INSL6: variants seen among roughly 807,000 people sequenced by gnomAD.
The protein encoded by INSL6 is insulin like 6, also known as insulin-like peptide INSL6.
Under a neutral mutation model 9.4 loss-of-function variants are expected in INSL6, and 16 were observed. The observed-to-expected ratio is 1.70, with a 90% CI of 1.15 to 2.59. INSL6 has a LOEUF of 2.59. Among genes scored for constraint, INSL6 ranks in the 30% most tolerant of loss-of-function variants. INSL6 has a pLI of 0.00. For missense variants in INSL6, 391 were observed against 257.3 expected (o/e 1.52, Z -3.56); for synonymous variants, 154 against 96.9 (o/e 1.59, Z -3.46).
chr9:5,129,188 C>A (rs1824187592), intron 3 of INSL6, among the ~76,000 whole-genome samples: 2 of 152,042 alleles, frequency 1.3e-5, no homozygotes, highest in Admixed American at 1.3e-4. Flanking sequence ...TAGAGCCAAT[C>A]TTGATGGTGG....
the INSL6 span, among the ~76,000 whole-genome samples, chr9:5,079,818 C>CA: frequency 5.5e-5 from 8 of 146,754 alleles, no homozygotes; most frequent in Non-Finnish European, 1.1e-4. Flanking sequence ...CACCCTGTCT[C>CA]AAAAAAAAAA....
the INSL6 span, chr9:5,107,960 CAAT>C: frequency 6.6e-6 from 1 of 152,006 alleles, no homozygotes; most frequent in African/African-American, 2.4e-5. Context: ...ATGCTGTTAC[CAAT>C]AATATGATTC....
Position 5,185,639 on chromosome 9 carries a change from T to G in INSL6, c.-37A>C, listed in dbSNP as rs766127438. Reference sequence around the variant, plus strand: ...CAGGCTAGTCCTCCGCGTTGTGCAATGGCGGTCGGCCGGACCCTGCTCCCT... The same window carrying G: ...CAGGCTAGTCCTCCGCGTTGTGCAAGGGCGGTCGGCCGGACCCTGCTCCCT... On this transcript the variant is annotated 5_prime_UTR_variant, in exon 1 of 2. Coordinates refer to ENST00000381641, the MANE Select transcript of INSL6 (RefSeq NM_007179.3). 6.3e-6 allele frequency: 10 copies of G among 1,579,248 alleles called. No homozygotes were observed. The highest frequency in any genetic ancestry group is 1.8e-5 in the Admixed American group (1 of 55,152).
chr9:5,128,286 T>C (rs556452739), intron 3 of INSL6: 31 of 227,288 alleles, frequency 1.4e-4, no homozygotes, highest in African/African-American at 4.9e-4. Flanking sequence ...TTCATTATTA[T>C]ACTTAAAGCA....
At chr9:5,094,511 T>A in the INSL6 span, 7 of 152,332 alleles carry the variant, frequency 4.6e-5, no homozygotes, top group East Asian at 1.3e-3. Context: ...GAAGTCACCC[T>A]AGCCATTATC....
chr9:5,011,362 A>C, the INSL6 span, among the ~76,000 whole-genome samples: 1 of 151,872 alleles, frequency 6.6e-6, no homozygotes, highest in African/African-American at 2.4e-5. Context: ...ATTAAAAAAA[A>C]ATTTTTTTGT....
chr9:5,179,075 G>A (rs548156700), intron 1 of INSL6, among the ~76,000 whole-genome samples: 4 of 148,104 alleles, frequency 2.7e-5, no homozygotes, highest in Non-Finnish European at 5.9e-5. Context: ...AGAGTGAACA[G>A]ACAACCTACA....
the INSL6 span, among the ~76,000 whole-genome samples, chr9:5,016,766 C>G: frequency 1.3e-5 from 2 of 152,164 alleles, no homozygotes; most frequent in African/African-American, 4.8e-5. Flanking sequence ...TATCCCAACC[C>G]TGCCAAGCTA....
At chr9:5,078,437 A>T in the INSL6 span, 2 of 1,612,066 alleles carry the variant, frequency 1.2e-6, no homozygotes, top group Non-Finnish European at 1.7e-6. Flanking sequence ...CAGTTTTGCC[A>T]AAGGACAGTA....
the INSL6 span, among the ~76,000 whole-genome samples, chr9:4,994,340 G>A: frequency 1.3e-5 from 2 of 152,268 alleles, no homozygotes; most frequent in South Asian, 2.1e-4. Context: ...CTAACCCACT[G>A]GTTCTTATCA....
chr9:5,041,568 C>T, the INSL6 span: 7 of 519,164 alleles, frequency 1.3e-5, no homozygotes, highest in East Asian at 1.1e-4. Context: ...GGCTACGTAC[C>T]TGCACTACGT....
At chr9:5,139,031 T>A (rs1026162685) in intron 2 of INSL6, among the ~76,000 whole-genome samples, 3 of 152,162 alleles carry the variant, frequency 2.0e-5, no homozygotes, top group African/African-American at 7.2e-5. Context: ...AACCATATGT[T>A]ATATTACTGT....
chr9:4,993,974 C>T, the INSL6 span, among the ~76,000 whole-genome samples: 1 of 152,136 alleles, frequency 6.6e-6, no homozygotes, highest in African/African-American at 2.4e-5. Context: ...GTGTGCCTTG[C>T]AGTGGGTGAT....
the INSL6 span, among the ~76,000 whole-genome samples, chr9:5,087,048 T>C: frequency 6.6e-6 from 1 of 152,218 alleles, no homozygotes; most frequent in African/African-American, 2.4e-5. Flanking sequence ...AAAAATCAGA[T>C]ATAAATCTTT....
At chr9:5,096,207 ACTTATTTCTTCTACCTTCCT>A in the INSL6 span, among the ~76,000 whole-genome samples, 1 of 152,036 alleles carries the variant, frequency 6.6e-6, no homozygotes, top group African/African-American at 2.4e-5. Context: ...TCCTCCCTCC[ACTTATTTCTTCTACCTTCCT>A]CTTACCCATC....
chr9:5,082,845 A>G, the INSL6 span, among the ~76,000 whole-genome samples: 2 of 152,222 alleles, frequency 1.3e-5, no homozygotes, highest in African/African-American at 4.8e-5. Context: ...CATACAACAC[A>G]TATTTTTGTG....
chr9:5,053,275 G>A, the INSL6 span, among the ~76,000 whole-genome samples: 2 of 152,008 alleles, frequency 1.3e-5, no homozygotes, highest in Admixed American at 6.6e-5. Context: ...TATGCCTTCT[G>A]TAGAGAAGTG....
At chr9:5,030,128 G>C in the INSL6 span, among the ~76,000 whole-genome samples, 16 of 152,234 alleles carry the variant, frequency 1.1e-4, 1 homozygote, top group African/African-American at 3.6e-4. Flanking sequence ...GTTTTGGTGG[G>C]ATGCCACTTA....
the INSL6 span, among the ~76,000 whole-genome samples, chr9:5,102,942 A>G: frequency 5.3e-5 from 8 of 152,252 alleles, no homozygotes; most frequent in Admixed American, 1.3e-4. Context: ...GCAAAAACAT[A>G]CCAAATTGTA....
Sources: allele counts gnomAD v4.1 joint callset (sites outside exome capture counted in the v4.1 genomes callset), GRCh38; gene constraint gnomAD v4.1.1; transcripts MANE v1.5; gene names NCBI Gene and HGNC (gene_info 2026-07-23, HGNC 2026-07-21).